AVEN: variants seen among roughly 807,000 people sequenced by gnomAD.
AVEN encodes the protein apoptosis and caspase activation inhibitor.
AVEN carries 41 observed loss-of-function variants against 38.1 expected under a neutral mutation model. The ratio of observed to expected loss-of-function variants is 1.08; its 90% confidence interval spans 0.84 to 1.40. The LOEUF (loss-of-function observed/expected upper bound fraction) is 1.40, where lower values mean the gene tolerates loss of function less well. AVEN is among the 40% of genes most tolerant of loss of function. The pLI, the probability that AVEN is intolerant of heterozygous loss-of-function variation, is 0.00. For synonymous variants in AVEN, 206 were observed against 171.8 expected, an observed-to-expected ratio of 1.20 and a Z score of -1.56; for missense variants, 605 against 438.8, an observed-to-expected ratio of 1.38 and a Z score of -3.38.
At chr15:33,867,419 G>C in intron 5 of AVEN, 76 bp downstream of exon 5, 1 of 1,511,396 alleles carries the variant, frequency 6.6e-7, no homozygotes. Context: ...GGATGTGTGC[G>C]GATGTGATGC....
chr15:34,025,128 C>A (rs1373838799), intron 1 of AVEN, among the ~76,000 whole-genome samples: 2 of 152,014 alleles, frequency 1.3e-5, no homozygotes, highest in African/African-American at 4.8e-5. Flanking sequence ...AGAGATCGCA[C>A]CACTGCACTC....
At chr15:33,978,785 C>A (rs1896006552) in intron 2 of AVEN, among the ~76,000 whole-genome samples, 1 of 152,038 alleles carries the variant, frequency 6.6e-6, no homozygotes, top group African/African-American at 2.4e-5. Flanking sequence ...GGTTCCTACA[C>A]CCAAGAAATA....
In AVEN at chr15:33,909,247, G is replaced by C. The variant is rs1892828581; in HGVS notation, c.446-33252C>G. On this transcript the variant is annotated intron_variant, in intron 2 of 5. Coordinates refer to ENST00000306730, the MANE Select transcript of AVEN (RefSeq NM_020371.3). ...ACCCAGGTTTCTCAGGAAAGCAAAAGCACCTTTACTTCCAACACCCAAGTG... is the reference window on the plus strand; with the variant it reads ...ACCCAGGTTTCTCAGGAAAGCAAAACCACCTTTACTTCCAACACCCAAGTG... 1.3e-5 allele frequency among the ~76,000 whole-genome samples: 2 copies of C among 152,128 alleles called. 1 individual carries two copies. The highest frequency in any genetic ancestry group is 4.1e-4 in the South Asian group (2 of 4,828).
chr15:34,033,489 G>A (rs1205442281), intron 1 of AVEN, among the ~76,000 whole-genome samples: 3 of 150,004 alleles, frequency 2.0e-5, no homozygotes, highest in African/African-American at 4.9e-5. Context: ...CTGGGTAACA[G>A]AGCGAGGCTC....
intron 1 of AVEN, among the ~76,000 whole-genome samples, chr15:34,016,323 C>T (rs1225529698): frequency 6.6e-6 from 1 of 152,190 alleles, no homozygotes; most frequent in Non-Finnish European, 1.5e-5. Context: ...ATCAGATCAA[C>T]AAAACAACAG....
chr15:34,040,921 C>G (rs141185266), upstream of AVEN, among the ~76,000 whole-genome samples: 1,803 of 150,910 alleles, frequency 0.012, 9 homozygotes, highest in Non-Finnish European at 0.019. Context: ...AAGATTTCAA[C>G]ATGAATTTTG....
Position 33,961,687 on chromosome 15 carries a change from C to A in AVEN, c.445+41345G>T, listed in dbSNP as rs573410735. Among the ~76,000 whole-genome samples the A allele has an allele frequency of 5.6e-3, 842 of 151,456 alleles. 6 individuals carry two copies. Among genetic ancestry groups the A allele is most frequent in the Non-Finnish European group, 9.3e-3 (631 of 67,866 alleles). On this transcript the variant is annotated intron_variant, in intron 2 of 5. Transcript: ENST00000306730. Reference sequence around the variant, plus strand: ...AATTAGCCGGGCGTGGTGGCGGGCACCTGTAGTCCCAGCTACTCGGGAGGC... The same window carrying A: ...AATTAGCCGGGCGTGGTGGCGGGCAACTGTAGTCCCAGCTACTCGGGAGGC...
intron 2 of AVEN, among the ~76,000 whole-genome samples, chr15:33,953,994 T>G (rs1446389134): frequency 6.6e-6 from 1 of 152,072 alleles, no homozygotes; most frequent in African/African-American, 2.4e-5. Flanking sequence ...GGGCAAAGGA[T>G]ATGAACAGAC....
At chr15:33,948,963 G>A (rs763795603) in intron 2 of AVEN, among the ~76,000 whole-genome samples, 31 of 152,108 alleles carry the variant, frequency 2.0e-4, no homozygotes, top group Admixed American at 6.5e-4. Flanking sequence ...GTGAGCCACC[G>A]TGCCTGGCTG....
intron 2 of AVEN, among the ~76,000 whole-genome samples, chr15:33,901,961 T>C (rs1317256617): frequency 2.0e-5 from 3 of 152,210 alleles, no homozygotes; most frequent in Non-Finnish European, 4.4e-5. Flanking sequence ...TCCTAGCCCA[T>C]AGGTTGCCTT....
chr15:34,072,866 G>A (rs1253598374), intron 1 of AVEN, among the ~76,000 whole-genome samples: 1 of 151,666 alleles, frequency 6.6e-6, no homozygotes, highest in African/African-American at 2.4e-5. Flanking sequence ...AGCCACGATG[G>A]TCTCGATCTC....
intron 2 of AVEN, among the ~76,000 whole-genome samples, chr15:33,891,709 T>C (rs868804679): frequency 1.3e-5 from 2 of 152,330 alleles, no homozygotes; most frequent in Middle Eastern, 3.4e-3. Context: ...TGTGTCTTTA[T>C]AGTAGAATGA....
intron 2 of AVEN, among the ~76,000 whole-genome samples, chr15:33,994,059 G>A (rs868529530): frequency 1.3e-5 from 2 of 152,152 alleles, no homozygotes; most frequent in African/African-American, 2.4e-5. Flanking sequence ...TCTAGAACAG[G>A]GGGTCCCCCA....
At chr15:34,074,604 A>G (rs866034037) in exon 1 of AVEN, among the ~76,000 whole-genome samples, 8 of 151,952 alleles carry the variant, frequency 5.3e-5, no homozygotes, top group Admixed American at 3.3e-4. Flanking sequence ...TCCTCATATC[A>G]TCTTCTCTCT....
intron 2 of AVEN, among the ~76,000 whole-genome samples, chr15:33,983,210 A>G (rs1426085048): frequency 1.1e-3 from 23 of 20,872 alleles, no homozygotes; most frequent in African/African-American, 3.3e-3. Context: ...GTATATATAT[A>G]TATACATATA....
At chr15:33,890,218 A>G (rs917280597) in intron 2 of AVEN, among the ~76,000 whole-genome samples, 1 of 152,096 alleles carries the variant, frequency 6.6e-6, no homozygotes, top group Non-Finnish European at 1.5e-5. Flanking sequence ...TTGGGGCTCG[A>G]TGCTGCCTAG....
chr15:34,019,994 T>G (rs1720378004), intron 1 of AVEN, among the ~76,000 whole-genome samples: 1 of 152,230 alleles, frequency 6.6e-6, no homozygotes, highest in African/African-American at 2.4e-5. Context: ...CTTGATTTTT[T>G]AAACACCTTT....
chr15:34,015,153 T>C (rs1028300014), intron 1 of AVEN, among the ~76,000 whole-genome samples: 2 of 152,072 alleles, frequency 1.3e-5, no homozygotes, highest in African/African-American at 4.8e-5. Flanking sequence ...GCTGTTATCA[T>C]AAGGAAAAAG....
chr15:34,008,954 G>GCACACACA (rs57211791), intron 1 of AVEN, among the ~76,000 whole-genome samples: 5 of 103,110 alleles, frequency 4.8e-5, no homozygotes, highest in African/African-American at 1.3e-4. Context: ...GTGCGCGCGC[G>GCACACACA]CACACACACA....
Sources: gnomAD v4.1 joint callset for allele counts (sites outside exome capture counted in the v4.1 genomes callset) on GRCh38, gnomAD v4.1.1 for gene constraint, MANE v1.5 for transcripts, NCBI Gene and HGNC (gene_info 2026-07-23, HGNC 2026-07-21) for gene names.